MLLT10: variants seen among roughly 807,000 people sequenced by gnomAD.
The protein encoded by MLLT10 is protein AF-10.
In MLLT10, 30 loss-of-function variants were observed where a neutral mutation model predicts 129.1. The ratio of observed to expected loss-of-function variants is 0.23; its 90% CI spans 0.17 to 0.32. The LOEUF (loss-of-function observed/expected upper bound fraction) is 0.32. Among genes scored for constraint, MLLT10 ranks in the 10% least tolerant of loss-of-function variants. The probability of loss-of-function intolerance (pLI) is 1.00; values close to 1 mark genes in which losing one functional copy is unlikely to be tolerated. For synonymous variants in MLLT10, 490 were observed against 446.4 expected (o/e 1.10, Z -1.23); for missense variants, 1,119 against 1,268.3 (o/e 0.88, Z 1.79).
chr10:21,660,410 G>T (rs1448857947), intron 9 of MLLT10, among the ~76,000 whole-genome samples: 21 of 151,712 alleles, frequency 1.4e-4, no homozygotes, highest in African/African-American at 5.1e-4. Flanking sequence ...GAGGTCAGGG[G>T]TTCCAGACCA....
intron 9 of MLLT10, among the ~76,000 whole-genome samples, chr10:21,656,617 T>C (rs189523013): frequency 7.7e-4 from 117 of 152,314 alleles, no homozygotes; most frequent in Middle Eastern, 3.4e-3. Flanking sequence ...CCTTTAACCC[T>C]TTTGCATATA....
intron 14 of MLLT10, among the ~76,000 whole-genome samples, chr10:21,724,394 A>T (rs2057335189): frequency 6.6e-6 from 1 of 152,212 alleles, no homozygotes. Context: ...TCTCTGTGTT[A>T]TTTTGCTTAC....
intron 21 of MLLT10, among the ~76,000 whole-genome samples, chr10:21,739,209 C>A (rs1003757727): frequency 1.3e-5 from 2 of 152,184 alleles, no homozygotes; most frequent in African/African-American, 4.8e-5. Context: ...CCACTGCAAG[C>A]TCTGTGTTCT....
chr10:21,579,358 G>A (rs938660085), intron 3 of MLLT10, among the ~76,000 whole-genome samples: 3 of 152,174 alleles, frequency 2.0e-5, no homozygotes, highest in Middle Eastern at 3.4e-3. Flanking sequence ...TTGAATCTGT[G>A]AATGTGTCTT....
In MLLT10 at chr10:21,534,262, G is replaced by A; in HGVS notation, c.-259G>A. The A allele has an allele frequency of 2.5e-6, 1 of 398,922 alleles. No individual in the cohort carries two copies. 24.7% of individuals were successfully genotyped at this position (398,922 alleles called of 1,614,324 possible). A position where few individuals can be genotyped will look rare whatever the true frequency, so the allele number is the denominator to read the frequency against. On this transcript the variant is annotated 5_prime_UTR_variant, in exon 1 of 23. Coordinates refer to ENST00000307729, the MANE Select transcript of MLLT10 (RefSeq NM_001195626.3). ...CGCCAAGTGACGCTCCGAGGAGGAA[G>A]CGCAGCCCCCTTCCCCTCCCTCGCT... is the stretch of plus-strand genomic sequence containing the variant.
chr10:21,588,931 C>T (rs2042248581), intron 4 of MLLT10, among the ~76,000 whole-genome samples: 1 of 151,488 alleles, frequency 6.6e-6, no homozygotes, highest in Non-Finnish European at 1.5e-5. Context: ...TCAAGGGACT[C>T]TCCTGCCTCA....
In MLLT10 at chr10:21,673,887, G is replaced by A. The variant is rs2051772925; in HGVS notation, c.1589G>A (p.Ser530Asn). The A allele has an allele frequency of 1.2e-6, 2 of 1,609,192 alleles. No homozygotes were observed. Among genetic ancestry groups the A allele is most frequent in the East Asian group, 2.2e-5 (1 of 44,838 alleles). The change falls in exon 11 of 23, where the codon AGC becomes AAC. Residue 530 changes from serine to asparagine, a missense_variant. By Grantham distance (46) the Ser-to-Asn change is conservative. Around this residue, in one of 5 missense-constraint regions of MLLT10, gnomAD observed 1,004 missense variants for 1,008.7 expected, o/e 1.00. Coordinates refer to ENST00000307729, the MANE Select transcript of MLLT10 (RefSeq NM_001195626.3). Reference protein sequence around the residue: ...PTLLRNGSLQSLSVGSSPVGS... With the variant: ...PTLLRNGSLQNLSVGSSPVGS... ...TTGCTCAGGAATGGAAGTTTACAGA[G>A]CCTCAGTGTTGGCTCATCTCCAGTT...
chr10:21,732,841 A>C (rs2058072638), intron 17 of MLLT10, 58 bp from the exon 18 acceptor site: 3 of 1,417,408 alleles, frequency 2.1e-6, no homozygotes, highest in Non-Finnish European at 2.9e-6. Context: ...CACTGCGTAA[A>C]ATACTTAGTC....
chr10:21,661,286 C>T lies in MLLT10; in HGVS notation c.796-9163C>T, dbSNP rs1041235918. 4.6e-5 allele frequency among the ~76,000 whole-genome samples: 7 copies of T among 152,122 alleles called. No individual in the cohort carries two copies. The South Asian group carries it at 6.2e-4, about 13-fold the overall frequency. ...GAATGTGTCATCTGCTGTTGTTGGA[C>T]GAAGTAGTCTACAGATGTCAATTAT... On this transcript the variant is annotated intron_variant, in intron 9 of 22. Coordinates refer to ENST00000307729, the MANE Select transcript of MLLT10 (RefSeq NM_001195626.3).
At chr10:21,651,798 T>C (rs769434214) in intron 9 of MLLT10, 30 bp downstream of exon 9, 5 of 1,486,882 alleles carry the variant, frequency 3.4e-6, no homozygotes, top group Non-Finnish European at 2.8e-6. Context: ...TTTTGTTTTA[T>C]GTAATAAGTA....
rs115743746 is a variant in MLLT10, at chr10:21,735,965, G to C, written c.2955+730G>C. On this transcript the variant is annotated intron_variant, in intron 21 of 22. Transcript: ENST00000307729. ...GAGGATTTCAAGTGTACCAAAAGTA[G>C]AGTGGAGAGCACCCTGAAGACCTAT... 3.9e-3 allele frequency among the ~76,000 whole-genome samples: 592 copies of C among 152,270 alleles called. 8 individuals are homozygous for C. The highest frequency in any genetic ancestry group is 0.014 in the African/African-American group (563 of 41,556).
At chr10:21,595,542 A>G (rs11592565) in intron 5 of MLLT10, 102 bp downstream of exon 5, 221,653 of 844,718 alleles carry the variant, frequency 0.26, 33,417 homozygotes, top group Middle Eastern at 0.39. Context: ...AAATCCAGGG[A>G]GATTTGGAAA....
At chr10:21,619,005 C>A (rs1002848377) in intron 8 of MLLT10, among the ~76,000 whole-genome samples, 1 of 149,372 alleles carries the variant, frequency 6.7e-6, no homozygotes, top group Non-Finnish European at 1.5e-5. Context: ...TGATTACAGG[C>A]GTGAGCCACC....
At chr10:21,736,909 C>G (rs1310883788) in intron 21 of MLLT10, among the ~76,000 whole-genome samples, 1 of 152,108 alleles carries the variant, frequency 6.6e-6, no homozygotes, top group Non-Finnish European at 1.5e-5. Context: ...GAGTCCTGGA[C>G]ACCCTAGAAA....
At chr10:21,626,335 C>T (rs1160902399) in intron 8 of MLLT10, 2 of 830,166 alleles carry the variant, frequency 2.4e-6, no homozygotes, top group Non-Finnish European at 4.0e-6. Context: ...CAGTGCAAGG[C>T]ATTTTGAAAA....
intron 3 of MLLT10, among the ~76,000 whole-genome samples, chr10:21,561,200 C>G (rs141243843): frequency 5.9e-5 from 9 of 152,166 alleles, no homozygotes; most frequent in African/African-American, 2.2e-4. Flanking sequence ...AGATTTTCCC[C>G]TGTGTTTTCT....
intron 13 of MLLT10, among the ~76,000 whole-genome samples, chr10:21,693,136 C>G (rs1369835910): frequency 1.3e-5 from 2 of 152,090 alleles, no homozygotes; most frequent in East Asian, 1.9e-4. Flanking sequence ...CCTGATGACT[C>G]ATATTTTTAT....
chr10:21,615,145 G>T (rs527871017), intron 7 of MLLT10, among the ~76,000 whole-genome samples: 1 of 151,986 alleles, frequency 6.6e-6, no homozygotes, highest in Non-Finnish European at 1.5e-5. Context: ...ATATTCTAAA[G>T]TACTCTCATT....
intron 5 of MLLT10, 184 bp downstream of exon 5, chr10:21,595,624 C>A (rs1404500618): frequency 2.1e-6 from 1 of 476,900 alleles, no homozygotes; most frequent in Non-Finnish European, 3.7e-6. Context: ...GAGTACAAAG[C>A]AAGCAAAACT....
Sources: gnomAD v4.1 joint callset for allele counts (sites outside exome capture counted in the v4.1 genomes callset) on GRCh38, gnomAD v4.1.1 for gene constraint, gnomAD v4.1.1 regional missense constraint, MANE v1.5 for transcripts, NCBI Gene and HGNC (gene_info 2026-07-23, HGNC 2026-07-21) for gene names.